The following DERL2 variants were observed in gnomAD, a reference collection of about 807,000 sequenced individuals.
DERL2 encodes derlin-2.
A neutral mutation model predicts 32.0 loss-of-function variants in DERL2; 13 were observed. The ratio of observed to expected loss-of-function variants is 0.41; its 90% CI spans 0.26 to 0.65. DERL2 has a LOEUF of 0.65. DERL2 is among the 30% of genes least tolerant of loss of function. The pLI, the probability that DERL2 is intolerant of heterozygous loss-of-function variation, is 0.35. For synonymous variants in DERL2, 111 were observed against 104.7 expected (o/e 1.06, Z -0.37); for missense variants, 208 against 296.3 (o/e 0.70, Z 2.19).
chr17:5,486,418 C>A (rs1009150005), upstream of DERL2: 3 of 424,618 alleles, frequency 7.1e-6, no homozygotes, highest in Admixed American at 4.1e-5. Context: ...CCGGGAAAAA[C>A]GAGTAAGTAC....
In DERL2 at chr17:5,473,125, G is replaced by C. The variant is rs914779438; in HGVS notation, c.*1559C>G. Reference sequence around the variant, plus strand: ...TTTAAGCCTATGTCTATCTTTCTGAGGACAATGTCACATTCTGGAAAGCTA... The same window carrying C: ...TTTAAGCCTATGTCTATCTTTCTGACGACAATGTCACATTCTGGAAAGCTA... On this transcript the variant is annotated 3_prime_UTR_variant, in exon 7 of 7. Coordinates refer to ENST00000158771, the MANE Select transcript of DERL2 (RefSeq NM_016041.5). 2 of 152,136 alleles carry C rather than the reference G, an allele frequency of 1.3e-5. No individual in the cohort carries two copies. The highest frequency in any genetic ancestry group is 4.8e-5 in the African/African-American group (2 of 41,418). 9.4% of individuals were successfully genotyped at this position (152,136 alleles called of 1,614,324 possible). A position where few individuals can be genotyped will look rare whatever the true frequency, so the allele number is the denominator to read the frequency against.
At chr17:5,478,013 A>C (rs1030846964) in intron 6 of DERL2, 6 of 152,182 alleles carry the variant, frequency 3.9e-5, no homozygotes, top group Non-Finnish European at 8.8e-5. Flanking sequence ...GATCAAGGAG[A>C]GCACAGGATG....
chr17:5,484,025 A>G (rs1461620309), intron 2 of DERL2, among the ~76,000 whole-genome samples: 1 of 152,236 alleles, frequency 6.6e-6, no homozygotes, highest in East Asian at 1.9e-4. Flanking sequence ...ATAACTGCAA[A>G]GTAAAAGTGA....
chr17:5,474,547 C>T lies in DERL2; in HGVS notation c.*137G>A, dbSNP rs1251824987. ...AATGTCTTCTGGATTAGTCAGTGTA[C>T]CATTTCATAAAGTGCTTCTGGAGTT... On this transcript the variant is annotated 3_prime_UTR_variant, in exon 7 of 7. Transcript: ENST00000158771. The surrounding 1 kb of genome is among the most constrained non-coding windows in gnomAD (Gnocchi z 4.3). 3.1e-6 allele frequency: 2 copies of T among 641,486 alleles called. No homozygotes were observed. The highest frequency in any genetic ancestry group is 3.8e-5 in the African/African-American group (2 of 53,198). The allele number at this position is 641,486 out of a possible 1,614,324, so 39.7% of individuals were successfully genotyped here.
chr17:5,483,566 T>G (rs1201152436), intron 2 of DERL2, among the ~76,000 whole-genome samples: 2 of 152,044 alleles, frequency 1.3e-5, no homozygotes, highest in African/African-American at 4.8e-5. Context: ...AATTGTAGAG[T>G]GCTTAACGTT....
At chr17:5,477,424 T>C (rs1339492998) in intron 6 of DERL2, among the ~76,000 whole-genome samples, 1 of 152,240 alleles carries the variant, frequency 6.6e-6, no homozygotes, top group East Asian at 1.9e-4. Flanking sequence ...TCTTGATAGA[T>C]ACACAGATGT....
chr17:5,476,538 T>C (rs1037297049), intron 6 of DERL2, among the ~76,000 whole-genome samples: 3 of 152,062 alleles, frequency 2.0e-5, no homozygotes, highest in African/African-American at 7.2e-5. Context: ...TCCCAGCACT[T>C]TGGGAGGCCG....
At position 5,471,930 on chromosome 17, in the gene DERL2, G is replaced by C. The variant is rs1567607538; in HGVS notation, c.*2754C>G. The C allele has an allele frequency of 1.3e-5, 2 of 152,270 alleles. No homozygotes were observed. Among genetic ancestry groups the C allele is most frequent in the East Asian group, 3.9e-4 (2 of 5,188 alleles). The allele number at this position is 152,270 out of a possible 1,614,324, so 9.4% of individuals were successfully genotyped here. On this transcript the variant is annotated 3_prime_UTR_variant, in exon 7 of 7. Transcript: ENST00000158771. ...TATTTTCAGAGGCCCCAGAGACTGA[G>C]GGTTTCATTATCCAGACCCAGGACT...
At chr17:5,479,999 A>G in intron 6 of DERL2, 55 bp downstream of exon 6, 1 of 1,113,310 alleles carries the variant, frequency 9.0e-7, no homozygotes, top group South Asian at 1.3e-5. Context: ...AACACAGATC[A>G]TGCCCCTGTC....
chr17:5,480,918 T>C (rs1905734388), intron 4 of DERL2: 22 of 485,536 alleles, frequency 4.5e-5, no homozygotes, highest in Middle Eastern at 1.0e-3. Flanking sequence ...TAAAGCTAGC[T>C]GGAACAAAAC....
At chr17:5,480,725 C>G (rs1597373292) in intron 4 of DERL2, 143 bp from the exon 5 acceptor site, 2 of 689,592 alleles carry the variant, frequency 2.9e-6, no homozygotes, top group Non-Finnish European at 4.3e-6. Flanking sequence ...GAGAAACACC[C>G]AGAAAATAAT....
chr17:5,478,991 G>A (rs1295103956), intron 6 of DERL2, among the ~76,000 whole-genome samples: 1 of 152,056 alleles, frequency 6.6e-6, no homozygotes, highest in African/African-American at 2.4e-5. Context: ...AGCTGATTTT[G>A]GGATTTTTTG....
chr17:5,475,606 C>T (rs1285542646), intron 6 of DERL2, among the ~76,000 whole-genome samples: 1 of 151,204 alleles, frequency 6.6e-6, no homozygotes, highest in African/African-American at 2.4e-5. Context: ...ATTAGCCTGG[C>T]GTGGTGGCGC....
chr17:5,481,151 G>T lies in DERL2; in HGVS notation c.327+145C>A. On this transcript the variant is annotated intron_variant, in intron 4 of 6. Transcript: ENST00000158771. The surrounding 1 kb of genome is among the most constrained non-coding windows in gnomAD (Gnocchi z 4.4). ...CTCATCCTGTCCGACTGCTAGGTTT[G>T]GAAACTTGTCACAGAAAATGTGCTG... The T allele has an allele frequency of 2.8e-6, 2 of 719,550 alleles. No individual in the cohort carries two copies. The highest frequency in any genetic ancestry group is 4.8e-6 in the Non-Finnish European group (2 of 413,590). 44.6% of individuals were successfully genotyped at this position (719,550 alleles called of 1,614,324 possible).
chr17:5,483,347 C>CT (rs1460715410), intron 2 of DERL2, among the ~76,000 whole-genome samples: 2 of 139,648 alleles, frequency 1.4e-5, no homozygotes, highest in Non-Finnish European at 1.5e-5. Flanking sequence ...TAAACTAAAA[C>CT]TTAAAAAAAA....
In DERL2 at chr17:5,473,365, C is replaced by T. The variant is rs1232559811; in HGVS notation, c.*1319G>A. On this transcript the variant is annotated 3_prime_UTR_variant, in exon 7 of 7. Coordinates refer to ENST00000158771, the MANE Select transcript of DERL2 (RefSeq NM_016041.5). ...ATATTTAGGGGAAGTATTTATTGAA[C>T]CACAGCATTAAGTGTCTACTTCTGT... The T allele has an allele frequency of 2.6e-5, 4 of 152,160 alleles. No homozygotes were observed. The highest frequency in any genetic ancestry group is 5.9e-5 in the Non-Finnish European group (4 of 68,048). 9.4% of individuals were successfully genotyped at this position (152,160 alleles called of 1,614,324 possible). A position where few individuals can be genotyped will look rare whatever the true frequency, so the allele number is the denominator to read the frequency against.
At chr17:5,486,187 C>T (rs1309207249), upstream of DERL2, 8 of 1,109,454 alleles carry the variant, frequency 7.2e-6, no homozygotes, top group African/African-American at 1.7e-5. Context: ...CTGCCCCACC[C>T]CCCACCCACC....
In DERL2 at chr17:5,481,346, G is replaced by C. The variant is rs1416090995; in HGVS notation, c.277C>G (p.Arg93Gly). ...AACATAAATACAAAGTCTGCTGTCC[G>C]ACCTCGGAAAGAGCCTTCTTCTAGC... ...RMLEEGSFRG[R>G]TADFVFMFLF... Residue 93 changes from arginine to glycine, a missense_variant, in exon 4 of 7, where the codon CGG becomes GGG. This residue lies in a region of DERL2 where 124 missense variants were observed against 215.3 expected (regional missense o/e 0.58). Coordinates refer to ENST00000158771, the MANE Select transcript of DERL2 (RefSeq NM_016041.5). This position sits in a 1 kb window ranked among gnomAD's most constrained non-coding sequence, Gnocchi z 4.4. 1 of 1,614,080 alleles carries C rather than the reference G, an allele frequency of 6.2e-7. No individual in the cohort carries two copies. The highest frequency in any genetic ancestry group is 1.7e-5 in the Admixed American group (1 of 60,018).
At chr17:5,476,729 C>T (rs972938288) in intron 6 of DERL2, among the ~76,000 whole-genome samples, 48 of 152,234 alleles carry the variant, frequency 3.2e-4, no homozygotes, top group Non-Finnish European at 5.9e-4. Flanking sequence ...TGCAGTGAGC[C>T]GAGATTGAGC....
Sources: gnomAD v4.1 joint callset for allele counts (sites outside exome capture counted in the v4.1 genomes callset) on GRCh38, gnomAD v4.1.1 for gene constraint, gnomAD v4.1.1 regional missense constraint, Gnocchi (gnomAD v3.1) non-coding constraint, MANE v1.5 for transcripts, NCBI Gene and HGNC (gene_info 2026-07-23, HGNC 2026-07-21) for gene names.